CDC73: variants seen among roughly 807,000 people sequenced by gnomAD.
CDC73 encodes the protein parafibromin.
A neutral mutation model predicts 83.7 loss-of-function variants in CDC73; 21 were observed. That is an observed-to-expected ratio of 0.25 (90% CI 0.18 to 0.36). The LOEUF (loss-of-function observed/expected upper bound fraction) is 0.36, where lower values mean the gene tolerates loss of function less well. Ranked by LOEUF, CDC73 falls within the 10% of genes least tolerant of loss-of-function variation. The probability of loss-of-function intolerance (pLI) is 1.00; values close to 1 mark genes in which losing one functional copy is unlikely to be tolerated. For synonymous variants in CDC73, 224 were observed against 212.9 expected, an observed-to-expected ratio of 1.05 and a Z score of -0.45; for missense variants, 342 against 653.3, an observed-to-expected ratio of 0.52 and a Z score of 5.19.
At position 193,250,940 on chromosome 1, in the gene CDC73, G is replaced by A; in HGVS notation, c.*228G>A. ...ATGGAAATTGTATATTTTGATAGAA[G>A]TTTTTTCTCCATTGGTTAAATTAGC... On this transcript the variant is annotated 3_prime_UTR_variant, in exon 17 of 17. Transcript: ENST00000367435. 1 of 513,942 alleles carries A rather than the reference G, an allele frequency of 1.9e-6. No individual in the cohort carries two copies. The highest frequency in any genetic ancestry group is 3.1e-5 in the South Asian group (1 of 32,216). The allele number at this position is 513,942 out of a possible 1,614,324, so 31.8% of individuals were successfully genotyped here.
At chr1:193,181,378 T>TATG (rs776292714) in intron 10 of CDC73, 1 of 1,614,026 alleles carries the variant, frequency 6.2e-7, no homozygotes, top group Admixed American at 1.7e-5. Flanking sequence ...TCGGAAAGTG[T>TATG]ATGTCACAGG....
chr1:193,198,817 G>C (rs891449660), intron 10 of CDC73, among the ~76,000 whole-genome samples: 1 of 152,318 alleles, frequency 6.6e-6, no homozygotes, highest in East Asian at 1.9e-4. Flanking sequence ...TGCTTACTAG[G>C]CATGTGACCT....
In CDC73 at chr1:193,251,165, A is replaced by C. The variant is rs547363180; in HGVS notation, c.*453A>C. ...CAAGCAAAGGGATGTGACTATTTTG[A>C]ATGAATCAGAATGTCAACTTGTATG... is the stretch of plus-strand genomic sequence containing the variant. On this transcript the variant is annotated 3_prime_UTR_variant, in exon 17 of 17. Coordinates refer to ENST00000367435, the MANE Select transcript of CDC73 (RefSeq NM_024529.5). 5.0e-4 allele frequency: 122 copies of C among 245,210 alleles called. No individual in the cohort carries two copies. Among genetic ancestry groups the C allele is most frequent in the Non-Finnish European group, 8.2e-4 (102 of 124,748 alleles). The allele number at this position is 245,210 out of a possible 1,614,324, so 15.2% of individuals were successfully genotyped here.
At chr1:193,213,477 T>G (rs1239377712) in intron 13 of CDC73, among the ~76,000 whole-genome samples, 1 of 152,126 alleles carries the variant, frequency 6.6e-6, no homozygotes, top group African/African-American at 2.4e-5. Context: ...TCTGTCAGAA[T>G]GCGTTTTATG....
rs2103132253 is a variant in CDC73 at position 193,150,378 on chromosome 1, A to G, written c.903A>G (p.Lys301=). The G allele has an allele frequency of 6.2e-7, 1 of 1,606,518 alleles. No individual in the cohort carries two copies. Among genetic ancestry groups the G allele is most frequent in the Non-Finnish European group, 8.5e-7 (1 of 1,173,014 alleles). Residue 301 remains lysine, a synonymous_variant, in exon 9 of 17, where the codon AAA becomes AAG. Coordinates refer to ENST00000367435, the MANE Select transcript of CDC73 (RefSeq NM_024529.5). The part of the protein sequence containing the change: ...NRYDQERFKG[K]EETEGFKIDT... ...ACGATCAGGAAAGATTCAAAGGAAAAGAAGGCAAGTTGCTTAATTCTTATC... is the reference window on the plus strand; with the variant it reads ...ACGATCAGGAAAGATTCAAAGGAAAGGAAGGCAAGTTGCTTAATTCTTATC...
chr1:193,126,287 C>T (rs1460131721), intron 2 of CDC73, among the ~76,000 whole-genome samples: 1 of 152,122 alleles, frequency 6.6e-6, no homozygotes, highest in Non-Finnish European at 1.5e-5. Flanking sequence ...TGTTTTAGTA[C>T]TCTGGAGAAG....
At chr1:193,150,450 A>C (rs1430419862) in intron 9 of CDC73, 68 bp downstream of exon 9, 1 of 1,116,466 alleles carries the variant, frequency 9.0e-7, no homozygotes, top group South Asian at 1.2e-5. Flanking sequence ...GTGTGGCCTG[A>C]TGTTTAAGGG....
intron 10 of CDC73, among the ~76,000 whole-genome samples, chr1:193,161,583 TATATA>T (rs1676309485): frequency 8.0e-6 from 1 of 125,000 alleles, no homozygotes; most frequent in South Asian, 2.2e-4. Flanking sequence ...TATTATATAA[TATATA>T]ATAGATAATA....
intron 10 of CDC73, among the ~76,000 whole-genome samples, chr1:193,169,648 C>G (rs189937145): frequency 4.6e-5 from 7 of 152,210 alleles, no homozygotes; most frequent in African/African-American, 1.4e-4. Context: ...TTATGAGATG[C>G]AAGAATATTA....
At chr1:193,165,984 GT>G (rs1321029977) in intron 10 of CDC73, among the ~76,000 whole-genome samples, 4 of 152,094 alleles carry the variant, frequency 2.6e-5, no homozygotes, top group Non-Finnish European at 5.9e-5. Flanking sequence ...GGTTGACTTT[GT>G]TAAAAAACAA....
intron 5 of CDC73, among the ~76,000 whole-genome samples, chr1:193,137,369 G>T (rs1239326539): frequency 6.6e-6 from 1 of 152,084 alleles, no homozygotes; most frequent in Admixed American, 6.5e-5. Flanking sequence ...ATACAGTTTT[G>T]TATTTCATTA....
intron 10 of CDC73, among the ~76,000 whole-genome samples, chr1:193,189,521 A>C (rs2103167066): frequency 6.6e-6 from 1 of 152,288 alleles, no homozygotes; most frequent in African/African-American, 2.4e-5. Context: ...ACTGGCAGCT[A>C]TTTTGTTAAG....
chr1:193,199,972 G>GAATCCT, intron 10 of CDC73, among the ~76,000 whole-genome samples: 1 of 151,688 alleles, frequency 6.6e-6, no homozygotes, highest in South Asian at 2.1e-4. Context: ...GGCCAAGCGT[G>GAATCCT]GTGGTACACA....
Position 193,125,181 on chromosome 1 carries a change from G to A in CDC73, c.201G>A (p.Val67=), listed in dbSNP as rs752298916. The A allele has an allele frequency of 2.7e-5, 43 of 1,607,966 alleles. No homozygotes were observed. Among genetic ancestry groups the A allele is most frequent in the Admixed American group, 1.2e-4 (7 of 60,004 alleles). ...CCATTTTATTTCTACTTAATAACGT[G>A]CACCTTTCTCATCCTGTTTATGTCC... ...LDSILFLLNN[V]HLSHPVYVRR... Residue 67 remains valine, a synonymous_variant, in exon 2 of 17, where the codon GTG becomes GTA. Coordinates refer to ENST00000367435, the MANE Select transcript of CDC73 (RefSeq NM_024529.5).
intron 1 of CDC73, 126 bp downstream of exon 1, chr1:193,122,457 A>G (rs927587005): frequency 5.5e-6 from 7 of 1,277,162 alleles, no homozygotes; most frequent in Non-Finnish European, 7.9e-6. Flanking sequence ...CGGGGAAAAG[A>G]AAGTTTCTCT....
Position 193,122,038 on chromosome 1 carries a change from C to G in CDC73, c.-163C>G. On this transcript the variant is annotated 5_prime_UTR_variant, in exon 1 of 17. Coordinates refer to ENST00000367435, the MANE Select transcript of CDC73 (RefSeq NM_024529.5). ...TCCTCGGCGGCCTGGGTGGCTACTG[C>G]CCCTGCTGCTGTCGTAGGCGAGGAC... The G allele has an allele frequency of 1.5e-6, 1 of 668,540 alleles. No homozygotes were observed. Among genetic ancestry groups the G allele is most frequent in the Admixed American group, 2.4e-5 (1 of 42,086 alleles). The allele number at this position is 668,540 out of a possible 1,614,324, so 41.4% of individuals were successfully genotyped here.
intron 13 of CDC73, among the ~76,000 whole-genome samples, chr1:193,216,836 A>T (rs1171297692): frequency 6.6e-6 from 1 of 152,176 alleles, no homozygotes; most frequent in Non-Finnish European, 1.5e-5. Context: ...CAGAACTAAA[A>T]AAATTACATG....
intron 13 of CDC73, among the ~76,000 whole-genome samples, chr1:193,226,319 A>G (rs1677566680): frequency 6.6e-6 from 1 of 152,124 alleles, no homozygotes; most frequent in Admixed American, 6.6e-5. Context: ...TACCAGTGCC[A>G]TGCTGTTTTG....
intron 7 of CDC73, among the ~76,000 whole-genome samples, chr1:193,145,145 G>A (rs1213623163): frequency 2.0e-5 from 3 of 152,200 alleles, no homozygotes; most frequent in Non-Finnish European, 4.4e-5. Flanking sequence ...GATGACCAGT[G>A]AATGCTGTCA....
Sources: gnomAD v4.1 joint callset for allele counts (sites outside exome capture counted in the v4.1 genomes callset) on GRCh38, gnomAD v4.1.1 for gene constraint, MANE v1.5 for transcripts, NCBI Gene and HGNC (gene_info 2026-07-23, HGNC 2026-07-21) for gene names.